The following ELAVL2 variants were observed in gnomAD, a reference collection of about 807,000 sequenced individuals.
ELAVL2 encodes ELAV like RNA binding protein 2.
In ELAVL2, 4 loss-of-function variants were observed where a neutral mutation model predicts 34.6. The ratio of observed to expected loss-of-function variants is 0.12; its 90% CI spans 0.06 to 0.26. The LOEUF (loss-of-function observed/expected upper bound fraction) is 0.26. Ranked by LOEUF, ELAVL2 falls within the 10% of genes least tolerant of loss-of-function variation. The pLI, the probability that ELAVL2 is intolerant of heterozygous loss-of-function variation, is 1.00. For missense variants in ELAVL2, 432 were observed against 442.8 expected (o/e 0.98, Z 0.22); for synonymous variants, 193 against 154.8 (o/e 1.25, Z -1.83).
chr9:23,713,756 A>G (rs2041621238), intron 3 of ELAVL2, among the ~76,000 whole-genome samples: 1 of 152,202 alleles, frequency 6.6e-6, no homozygotes, highest in Admixed American at 6.5e-5. Context: ...ACAAAGCAGA[A>G]GAGAATACAC....
chr9:23,816,273 AAG>A (rs2063689895), intron 1 of ELAVL2, among the ~76,000 whole-genome samples: 2 of 148,826 alleles, frequency 1.3e-5, no homozygotes, highest in Admixed American at 6.7e-5. Flanking sequence ...TAGTCCCATA[AAG>A]AGATGAAATT....
intron 5 of ELAVL2, among the ~76,000 whole-genome samples, chr9:23,695,162 A>G (rs2034693893): frequency 6.6e-6 from 1 of 152,198 alleles, no homozygotes; most frequent in Admixed American, 6.5e-5. Flanking sequence ...CCAGCAATAA[A>G]GACAAACACA....
chr9:23,760,216 T>G (rs1311912486), intron 2 of ELAVL2, among the ~76,000 whole-genome samples: 1 of 152,038 alleles, frequency 6.6e-6, no homozygotes, highest in East Asian at 1.9e-4. Context: ...ATGTCTCCTG[T>G]GGCAGATGCC....
At chr9:23,799,746 T>C (rs905876498) in intron 1 of ELAVL2, among the ~76,000 whole-genome samples, 3 of 152,172 alleles carry the variant, frequency 2.0e-5, no homozygotes, top group Non-Finnish European at 1.5e-5. Flanking sequence ...TAAGCTTCTT[T>C]ACAGACCTAA....
intron 2 of ELAVL2, among the ~76,000 whole-genome samples, chr9:23,761,516 C>T (rs1476210237): frequency 3.3e-5 from 5 of 152,106 alleles, no homozygotes; most frequent in East Asian, 3.9e-4. Context: ...GATCTCATCA[C>T]GCTTGGTATT....
intron 3 of ELAVL2, among the ~76,000 whole-genome samples, chr9:23,709,470 G>C (rs1438179916): frequency 6.6e-6 from 1 of 151,514 alleles, no homozygotes; most frequent in African/African-American, 2.4e-5. Context: ...TTTTCCTGTG[G>C]ATTTAGATCT....
intron 1 of ELAVL2, among the ~76,000 whole-genome samples, chr9:23,769,998 G>C (rs768709543): frequency 2.0e-4 from 30 of 152,166 alleles, no homozygotes; most frequent in Non-Finnish European, 4.1e-4. Context: ...GGAAAGTAAA[G>C]ATCTGGCGAA....
rs535231945 is a variant in ELAVL2, at chr9:23,787,820, C to G, written c.-15-25571G>C. Among the ~76,000 whole-genome samples the G allele has an allele frequency of 6.6e-5, 10 of 152,292 alleles. No individual in the cohort carries two copies. The South Asian group carries it at 1.9e-3, about 28-fold the overall frequency. ...ACCACTGTAAAAGACTTTTGTAAGA[C>G]AAGTGGACTATCAGCTAGGTAGTGC... On this transcript the variant is annotated intron_variant, in intron 1 of 6. Coordinates refer to ENST00000397312, the MANE Select transcript of ELAVL2 (RefSeq NM_004432.5).
rs1300300102 is a variant in ELAVL2 at position 23,690,221 on chromosome 9, C to G, written c.*2336G>C. The stretch of plus-strand genomic sequence containing the variant: ...CAACAGAATATATTTTCTATTCCAA[C>G]AGATGTGAATTAAGTCATACTGTAC... On this transcript the variant is annotated 3_prime_UTR_variant, in exon 7 of 7. Transcript: ENST00000397312. The G allele has an allele frequency of 6.6e-6, 1 of 152,550 alleles. No individual in the cohort carries two copies. 9.4% of individuals were successfully genotyped at this position (152,550 alleles called of 1,614,324 possible).
intron 4 of ELAVL2, 31 bp downstream of exon 4, chr9:23,704,887 G>C (rs371653269): frequency 1.9e-5 from 31 of 1,611,942 alleles, no homozygotes; most frequent in Non-Finnish European, 2.5e-5. Flanking sequence ...CAGAGACAGG[G>C]AAAGACTGTC....
intron 3 of ELAVL2, among the ~76,000 whole-genome samples, chr9:23,726,791 A>G (rs1463881825): frequency 7.1e-6 from 1 of 141,304 alleles, no homozygotes; most frequent in Admixed American, 7.3e-5. Context: ...GCTTTAAGCC[A>G]TAAAAATTCC....
chr9:23,767,090 A>G (rs902476301), intron 1 of ELAVL2, among the ~76,000 whole-genome samples: 25 of 152,178 alleles, frequency 1.6e-4, no homozygotes, highest in Non-Finnish European at 2.4e-4. Context: ...AATATTCTAA[A>G]CTTTCACTGG....
chr9:23,820,577 G>A (rs1158295619), intron 1 of ELAVL2, among the ~76,000 whole-genome samples: 5 of 152,198 alleles, frequency 3.3e-5, no homozygotes, highest in Non-Finnish European at 7.3e-5. Context: ...CGCATCTAGA[G>A]GCATGGTTTT....
intron 4 of ELAVL2, 133 bp from the exon 5 acceptor site, chr9:23,701,737 C>T: frequency 2.1e-6 from 2 of 964,230 alleles, no homozygotes; most frequent in South Asian, 1.7e-5. Flanking sequence ...CACAAAATCA[C>T]ACCAGGAGGA....
At chr9:23,714,477 A>T (rs10966037) in intron 3 of ELAVL2, among the ~76,000 whole-genome samples, 20,199 of 152,226 alleles carry the variant, frequency 0.13, 1,452 homozygotes, top group East Asian at 0.16. Context: ...AACATAAGGA[A>T]GGAGCTGTCT....
At position 23,789,904 on chromosome 9, in the gene ELAVL2, T is replaced by A. The variant is rs573709070; in HGVS notation, c.-15-27655A>T. On this transcript the variant is annotated intron_variant, in intron 1 of 6. Coordinates refer to ENST00000397312, the MANE Select transcript of ELAVL2 (RefSeq NM_004432.5). Reference sequence around the variant, plus strand: ...AAGTGTTCTATGCTTTTTAAACCCTTTCCTGAATGTATACAGGTAGGACAC... The same window carrying A: ...AAGTGTTCTATGCTTTTTAAACCCTATCCTGAATGTATACAGGTAGGACAC... Among the ~76,000 whole-genome samples, 3 of 152,260 alleles carry A rather than the reference T, an allele frequency of 2.0e-5. No individual in the cohort carries two copies. In the East Asian group the frequency reaches 5.8e-4, roughly 29 times the overall value.
chr9:23,731,998 G>A (rs1351749910), intron 2 of ELAVL2, among the ~76,000 whole-genome samples: 1 of 152,124 alleles, frequency 6.6e-6, no homozygotes, highest in Non-Finnish European at 1.5e-5. Flanking sequence ...AAAGTCAATC[G>A]CAATGGTCTC....
the ELAVL2 span, among the ~76,000 whole-genome samples, chr9:23,836,503 C>T: frequency 6.6e-6 from 1 of 152,120 alleles, no homozygotes; most frequent in African/African-American, 2.4e-5. Context: ...TGTGAAGATA[C>T]ATGTGTCTCC....
chr9:23,759,517 G>A (rs1447860438), intron 2 of ELAVL2, among the ~76,000 whole-genome samples: 2 of 151,412 alleles, frequency 1.3e-5, no homozygotes, highest in African/African-American at 4.9e-5. Flanking sequence ...TAGCAATATT[G>A]TATAGTATAC....
Sources: allele counts gnomAD v4.1 joint callset (sites outside exome capture counted in the v4.1 genomes callset), GRCh38; gene constraint gnomAD v4.1.1; transcripts MANE v1.5; gene names NCBI Gene and HGNC (gene_info 2026-07-23, HGNC 2026-07-21).